BMP2K: variants seen among roughly 807,000 people sequenced by gnomAD.
The protein encoded by BMP2K is BMP2 inducible kinase, also known as BMP-2-inducible protein kinase.
A neutral mutation model predicts 116.0 loss-of-function variants in BMP2K; 74 were observed. That is an observed-to-expected ratio of 0.64 (90% CI 0.53 to 0.77). The LOEUF is 0.77. Ranked by LOEUF, BMP2K falls within the 30% of genes least tolerant of loss-of-function variation. The pLI, the probability that BMP2K is intolerant of heterozygous loss-of-function variation, is 0.00. For missense variants in BMP2K, 1,365 were observed against 1,403.6 expected (o/e 0.97, Z 0.44); for synonymous variants, 486 against 502.5 (o/e 0.97, Z 0.44).
chr4:78,796,838 G>C (rs1728315674), intron 1 of BMP2K, among the ~76,000 whole-genome samples: 2 of 152,154 alleles, frequency 1.3e-5, no homozygotes, highest in Admixed American at 6.5e-5. Flanking sequence ...TAAATCTGTA[G>C]TCTTTTTCAG....
intron 1 of BMP2K, among the ~76,000 whole-genome samples, chr4:78,825,077 G>A (rs555768187): frequency 2.0e-5 from 3 of 152,236 alleles, no homozygotes; most frequent in East Asian, 3.9e-4. Context: ...GGTGGCAGGC[G>A]CCTATAGTCC....
At chr4:78,792,869 C>G (rs928060340) in intron 1 of BMP2K, among the ~76,000 whole-genome samples, 6 of 152,124 alleles carry the variant, frequency 3.9e-5, no homozygotes, top group African/African-American at 1.4e-4. Flanking sequence ...GAAGAATAGG[C>G]TATTCATAGT....
intron 5 of BMP2K, among the ~76,000 whole-genome samples, chr4:78,845,535 G>A (rs1459450209): frequency 6.6e-6 from 1 of 151,576 alleles, no homozygotes; most frequent in Non-Finnish European, 1.5e-5. Flanking sequence ...ATACTGGAAA[G>A]CTCTGGAATG....
At chr4:78,887,446 A>T (rs1025573099) in intron 15 of BMP2K, 162 bp downstream of exon 15, 28 of 609,498 alleles carry the variant, frequency 4.6e-5, no homozygotes, top group Non-Finnish European at 2.0e-5. Flanking sequence ...TGTTCTTTGC[A>T]TTGAGTTATT....
At chr4:78,859,464 GAATC>G in intron 7 of BMP2K, 116 bp from the exon 8 acceptor site, 1 of 585,284 alleles carries the variant, frequency 1.7e-6, no homozygotes, top group Non-Finnish European at 2.8e-6. Flanking sequence ...AAGTTTGCTA[GAATC>G]ATCACTGATC....
At chr4:78,846,386 G>C (rs1265331076) in intron 5 of BMP2K, among the ~76,000 whole-genome samples, 1 of 151,584 alleles carries the variant, frequency 6.6e-6, no homozygotes, top group East Asian at 1.9e-4. Context: ...TCACCAGTCA[G>C]AGTGTTTGGA....
chr4:78,778,926 A>G (rs543970268), intron 1 of BMP2K, among the ~76,000 whole-genome samples: 1 of 152,336 alleles, frequency 6.6e-6, no homozygotes, highest in East Asian at 1.9e-4. Flanking sequence ...CAGACTTGGT[A>G]GATTTTGCAT....
At chr4:78,778,532 C>G (rs1727352006) in intron 1 of BMP2K, among the ~76,000 whole-genome samples, 2 of 152,198 alleles carry the variant, frequency 1.3e-5, no homozygotes, top group Admixed American at 1.3e-4. Flanking sequence ...GATGAAACTT[C>G]TCCATCCTAC....
intron 15 of BMP2K, among the ~76,000 whole-genome samples, chr4:78,898,457 G>A (rs148921302): frequency 1.0e-3 from 159 of 151,760 alleles, no homozygotes; most frequent in African/African-American, 3.5e-3. Flanking sequence ...AACTGGAGAG[G>A]TTGGCAGGGG....
intron 15 of BMP2K, among the ~76,000 whole-genome samples, chr4:78,906,469 T>G (rs150309472): frequency 0.01 from 1,578 of 152,302 alleles, 11 homozygotes; most frequent in Non-Finnish European, 0.017. Flanking sequence ...TATAGATGAT[T>G]GTGTCTTTTC....
intron 1 of BMP2K, among the ~76,000 whole-genome samples, chr4:78,805,912 G>A (rs763404622): frequency 3.9e-5 from 6 of 152,070 alleles, no homozygotes; most frequent in Non-Finnish European, 7.4e-5. Flanking sequence ...CGGAGGTTGC[G>A]GTGAGCCAAG....
chr4:78,840,141 T>A (rs72862513), intron 3 of BMP2K, among the ~76,000 whole-genome samples: 285 of 152,294 alleles, frequency 1.9e-3, no homozygotes, highest in African/African-American at 6.5e-3. Context: ...AACACCTTTT[T>A]TAAGAGATTA....
intron 1 of BMP2K, among the ~76,000 whole-genome samples, chr4:78,823,741 C>G (rs777782128): frequency 8.6e-5 from 13 of 151,764 alleles, no homozygotes; most frequent in Non-Finnish European, 1.8e-4. Flanking sequence ...TAAATTCATA[C>G]ACAGACCACC....
chr4:78,789,117 A>G (rs1172966825), intron 1 of BMP2K, among the ~76,000 whole-genome samples: 4 of 152,040 alleles, frequency 2.6e-5, no homozygotes, highest in Non-Finnish European at 4.4e-5. Flanking sequence ...TGTAATTGGT[A>G]TTGTTGGACT....
intron 3 of BMP2K, 134 bp from the exon 4 acceptor site, chr4:78,842,251 A>G: frequency 3.1e-6 from 2 of 647,316 alleles, no homozygotes; most frequent in Non-Finnish European, 2.5e-6. Context: ...GTATGATGTA[A>G]TAAGCATCCT....
intron 4 of BMP2K, 55 bp downstream of exon 4, chr4:78,842,582 T>G: frequency 6.9e-7 from 1 of 1,450,798 alleles, no homozygotes; most frequent in South Asian, 1.5e-5. Flanking sequence ...TAAAATGTTC[T>G]TGGAGTATTT....
At chr4:78,792,324 C>G in intron 1 of BMP2K, among the ~76,000 whole-genome samples, 1 of 152,162 alleles carries the variant, frequency 6.6e-6, no homozygotes, top group East Asian at 1.9e-4. Flanking sequence ...ATACAAAGCA[C>G]TTTTGCTGCA....
rs1731787510 is a variant in BMP2K, at chr4:78,861,484, C to T, written c.1067+16C>T. 1 of 1,587,122 alleles carries T rather than the reference C, an allele frequency of 6.3e-7. No individual in the cohort carries two copies. The highest frequency in any genetic ancestry group is 1.4e-5 in the African/African-American group (1 of 74,012). ...TAAAAGCCAGGTAGGCAAAACTATG[C>T]TGAAATTGAAAAGGCATTAAAAAAA... On this transcript the variant is annotated intron_variant, in intron 9 of 15. Transcript: ENST00000502613.
chr4:78,825,846 C>T (rs563617339), intron 1 of BMP2K, among the ~76,000 whole-genome samples, 191 bp from the exon 2 acceptor site: 95 of 152,324 alleles, frequency 6.2e-4, no homozygotes, highest in African/African-American at 2.1e-3. Flanking sequence ...ATATTTTCCT[C>T]TAAGTACTAC....
Sources: allele counts gnomAD v4.1 joint callset (sites outside exome capture counted in the v4.1 genomes callset), GRCh38; gene constraint gnomAD v4.1.1; transcripts MANE v1.5; gene names NCBI Gene and HGNC (gene_info 2026-07-23, HGNC 2026-07-21).